The following PCDH9 variants were observed in gnomAD, a reference collection of about 807,000 sequenced individuals.
PCDH9 encodes protocadherin-9.
PCDH9 carries 24 observed loss-of-function variants against 70.6 expected under a neutral mutation model. The observed-to-expected ratio is 0.34, with a 90% CI of 0.25 to 0.48. The LOEUF (loss-of-function observed/expected upper bound fraction) is 0.48, where lower values mean the gene tolerates loss of function less well. Among genes scored for constraint, PCDH9 ranks in the 20% least tolerant of loss-of-function variants. The probability of loss-of-function intolerance (pLI) is 0.99; values close to 1 mark genes in which losing one functional copy is unlikely to be tolerated. For missense variants in PCDH9, 1,281 were observed against 1,503.6 expected (o/e 0.85, Z 2.45); for synonymous variants, 562 against 558.5 (o/e 1.01, Z -0.09).
chr13:66,476,294 C>A (rs1410358148), intron 4 of PCDH9, among the ~76,000 whole-genome samples: 2 of 91,630 alleles, frequency 2.2e-5, no homozygotes, highest in Non-Finnish European at 4.4e-5. Context: ...CCTCCCTCAA[C>A]AGGAAAATTA....
chr13:67,115,201 A>G (rs987611963), intron 2 of PCDH9, among the ~76,000 whole-genome samples: 2 of 152,236 alleles, frequency 1.3e-5, no homozygotes, highest in Non-Finnish European at 2.9e-5. Context: ...AATAGGATGT[A>G]TCAGATTGTC....
At chr13:66,566,893 T>C (rs2096738077) in intron 4 of PCDH9, among the ~76,000 whole-genome samples, 2 of 152,034 alleles carry the variant, frequency 1.3e-5, no homozygotes, top group South Asian at 4.2e-4. Flanking sequence ...ATGGAGACTA[T>C]TTTGACATTG....
At chr13:66,796,642 G>A (rs967690146) in intron 3 of PCDH9, among the ~76,000 whole-genome samples, 4 of 151,790 alleles carry the variant, frequency 2.6e-5, no homozygotes, top group African/African-American at 7.3e-5. Flanking sequence ...CAGAATATAG[G>A]TTCACTGTAG....
At chr13:66,971,492 C>T (rs2083521753) in intron 2 of PCDH9, among the ~76,000 whole-genome samples, 1 of 151,970 alleles carries the variant, frequency 6.6e-6, no homozygotes, top group African/African-American at 2.4e-5. Context: ...TTCTCTTTTG[C>T]ATTTTTGAAA....
chr13:66,792,713 C>A (rs1475368612), intron 3 of PCDH9, among the ~76,000 whole-genome samples: 3 of 152,048 alleles, frequency 2.0e-5, no homozygotes. Context: ...CCCACCAAAT[C>A]TGTGGTAATT....
chr13:67,048,002 C>A (rs896688268), intron 2 of PCDH9, among the ~76,000 whole-genome samples: 1 of 152,112 alleles, frequency 6.6e-6, no homozygotes, highest in Non-Finnish European at 1.5e-5. Flanking sequence ...TATTGTGTTT[C>A]TTTTCAGAAA....
At chr13:66,514,426 G>C (rs1332243631) in intron 4 of PCDH9, among the ~76,000 whole-genome samples, 1 of 150,712 alleles carries the variant, frequency 6.6e-6, no homozygotes, top group Admixed American at 6.6e-5. Context: ...GAGAATGGCA[G>C]TGTGTCTAAA....
intron 3 of PCDH9, among the ~76,000 whole-genome samples, chr13:66,770,411 G>A (rs1478517609): frequency 6.6e-6 from 1 of 152,118 alleles, no homozygotes; most frequent in African/African-American, 2.4e-5. Context: ...GTAGGTTTTA[G>A]TAGTATGCCC....
intron 4 of PCDH9, among the ~76,000 whole-genome samples, chr13:66,573,612 A>T (rs2076766890): frequency 6.6e-6 from 1 of 152,164 alleles, no homozygotes; most frequent in African/African-American, 2.4e-5. Context: ...ACAGGTTGAG[A>T]TGCTACGTTA....
chr13:66,767,301 A>G (rs1160432139), intron 3 of PCDH9, among the ~76,000 whole-genome samples: 1 of 152,138 alleles, frequency 6.6e-6, no homozygotes, highest in Non-Finnish European at 1.5e-5. Flanking sequence ...GCAAAATCTC[A>G]GCCTAATTCT....
intron 4 of PCDH9, among the ~76,000 whole-genome samples, chr13:66,334,296 C>T (rs915255229): frequency 1.3e-5 from 2 of 152,040 alleles, no homozygotes; most frequent in Non-Finnish European, 2.9e-5. Context: ...TGATATTTGG[C>T]TTTCTGTCTG....
chr13:66,677,741 C>T (rs944646983), intron 3 of PCDH9, among the ~76,000 whole-genome samples: 30 of 152,212 alleles, frequency 2.0e-4, no homozygotes, highest in African/African-American at 7.0e-4. Context: ...AAAAGTTAAG[C>T]AGATGCCAGC....
intron 4 of PCDH9, among the ~76,000 whole-genome samples, chr13:66,507,701 TG>T (rs67852355): frequency 0.044 from 946 of 21,562 alleles, 32 homozygotes; most frequent in East Asian, 0.26. Context: ...CTTTCTTTTT[TG>T]TTTGTTTGTT....
chr13:66,411,244 T>A (rs1321268518), intron 4 of PCDH9, among the ~76,000 whole-genome samples: 1 of 152,248 alleles, frequency 6.6e-6, no homozygotes, highest in African/African-American at 2.4e-5. Flanking sequence ...TAAAATATTT[T>A]TGAATTTTTA....
At chr13:66,711,200 A>G (rs969203242) in intron 3 of PCDH9, among the ~76,000 whole-genome samples, 6 of 152,178 alleles carry the variant, frequency 3.9e-5, no homozygotes, top group Non-Finnish European at 8.8e-5. Context: ...CACTTGCTAC[A>G]AATGACAAGG....
intron 4 of PCDH9, among the ~76,000 whole-genome samples, chr13:66,576,460 G>A (rs2076816774): frequency 6.6e-6 from 1 of 152,010 alleles, no homozygotes; most frequent in Non-Finnish European, 1.5e-5. Flanking sequence ...GTTAAAGATA[G>A]CATTCACAGT....
chr13:66,445,868 A>G (rs909897873), intron 4 of PCDH9, among the ~76,000 whole-genome samples: 1 of 149,928 alleles, frequency 6.7e-6, no homozygotes, highest in Non-Finnish European at 1.5e-5. Flanking sequence ...AGAAAAAAAT[A>G]TATATCTATA....
chr13:66,725,500 C>A (rs1046356402), intron 3 of PCDH9, among the ~76,000 whole-genome samples: 1 of 152,174 alleles, frequency 6.6e-6, no homozygotes, highest in African/African-American at 2.4e-5. Flanking sequence ...ATCACCAACA[C>A]CCTCCTTCTC....
intron 4 of PCDH9, among the ~76,000 whole-genome samples, chr13:66,424,968 A>C (rs1028777483): frequency 2.6e-5 from 4 of 151,864 alleles, no homozygotes; most frequent in Admixed American, 6.6e-5. Flanking sequence ...AAAACAACAC[A>C]TCCAATCAGT....
Sources: allele counts gnomAD v4.1 joint callset (sites outside exome capture counted in the v4.1 genomes callset), GRCh38; gene constraint gnomAD v4.1.1; transcripts MANE v1.5; gene names NCBI Gene and HGNC (gene_info 2026-07-23, HGNC 2026-07-21).